The following ROBO2 variants were observed in gnomAD, a reference collection of about 807,000 sequenced individuals.
ROBO2 encodes the protein roundabout guidance receptor 2.
A neutral mutation model predicts 160.8 loss-of-function variants in ROBO2; 53 were observed. The observed-to-expected ratio is 0.33, with a 90% CI of 0.26 to 0.41. The LOEUF (loss-of-function observed/expected upper bound fraction) is 0.41, where lower values mean the gene tolerates loss of function less well. Among genes scored for constraint, ROBO2 ranks in the 10% least tolerant of loss-of-function variants. The pLI is 1.00. For missense variants in ROBO2, 1,577 were observed against 1,722.4 expected (o/e 0.92, Z 1.49); for synonymous variants, 664 against 611.7 (o/e 1.09, Z -1.26).
intron 2 of ROBO2, among the ~76,000 whole-genome samples, chr3:76,788,990 G>A (rs1367997563): frequency 6.6e-6 from 1 of 151,500 alleles, no homozygotes; most frequent in Non-Finnish European, 1.5e-5. Context: ...TATATAGCAA[G>A]AAAATGTCAA....
At position 76,537,004 on chromosome 3, in the gene ROBO2, G is replaced by A. The variant is rs116305193; in HGVS notation, c.110-561010G>A. Among the ~76,000 whole-genome samples, 817 of 152,190 alleles carry A rather than the reference G, an allele frequency of 5.4e-3. 11 individuals are homozygous for A. The highest frequency in any genetic ancestry group is 0.018 in the African/African-American group (756 of 41,496). On this transcript the variant is annotated intron_variant, in intron 2 of 26. Coordinates refer to the ROBO2 transcript ENST00000487694. ...TAAGCCAGACTGAGCGTGAGGAAGG[G>A]AGGTGATAGAAGAATTATAAGGTTG...
intron 5 of ROBO2, among the ~76,000 whole-genome samples, chr3:77,505,437 T>C (rs953644300): frequency 6.6e-6 from 1 of 151,670 alleles, no homozygotes; most frequent in Non-Finnish European, 1.5e-5. Flanking sequence ...GGTCAAAAGG[T>C]GGTGTGTTCA....
chr3:77,461,093 AC>A (rs1354984166), intron 2 of ROBO2, among the ~76,000 whole-genome samples: 1 of 152,124 alleles, frequency 6.6e-6, no homozygotes, highest in Non-Finnish European at 1.5e-5. Flanking sequence ...ATTGAAAAAA[AC>A]AACAACAACT....
intron 2 of ROBO2, among the ~76,000 whole-genome samples, chr3:76,075,851 C>T (rs915518866): frequency 6.6e-6 from 1 of 152,180 alleles, no homozygotes; most frequent in Admixed American, 6.5e-5. Flanking sequence ...TACTTACTTA[C>T]AGAGCAGATA....
intron 21 of ROBO2, among the ~76,000 whole-genome samples, chr3:77,613,597 A>T (rs938550639): frequency 2.0e-5 from 3 of 152,214 alleles, no homozygotes; most frequent in Admixed American, 1.3e-4. Context: ...CTTAAGTCAG[A>T]TAAATAAATT....
intron 2 of ROBO2, among the ~76,000 whole-genome samples, chr3:76,402,764 G>A (rs2077910451): frequency 6.6e-6 from 1 of 151,492 alleles, no homozygotes; most frequent in Non-Finnish European, 1.5e-5. Flanking sequence ...GCAACTGGGG[G>A]TCAAATTCCT....
intron 2 of ROBO2, among the ~76,000 whole-genome samples, chr3:76,065,746 TA>T (rs2068232174): frequency 6.7e-6 from 1 of 148,618 alleles, no homozygotes; most frequent in Non-Finnish European, 1.5e-5. Flanking sequence ...AATATATATA[TA>T]TATATACACA....
rs538878591 is a variant in ROBO2, at chr3:77,141,291, C to G, written c.388+42951C>G. Among the ~76,000 whole-genome samples, 51 of 151,970 alleles carry G rather than the reference C, an allele frequency of 3.4e-4. No individual in the cohort carries two copies. The East Asian group carries it at 9.3e-3, about 28-fold the overall frequency. On this transcript the variant is annotated intron_variant, in intron 2 of 25. Coordinates refer to ENST00000461745, the Ensembl canonical transcript of ROBO2. ...TGGGATGTACATATAAAGCCCCCCCCCCTTGTAATAGGCTTATAACAGATG... is the reference window on the plus strand; with the variant it reads ...TGGGATGTACATATAAAGCCCCCCCGCCTTGTAATAGGCTTATAACAGATG...
chr3:76,168,872 T>C (rs2072931160), intron 2 of ROBO2, among the ~76,000 whole-genome samples: 1 of 151,710 alleles, frequency 6.6e-6, no homozygotes, highest in Admixed American at 6.6e-5. Context: ...TGATTGCCTA[T>C]CTAGTATTGC....
chr3:77,571,521 G>A (rs2093636194), intron 13 of ROBO2, among the ~76,000 whole-genome samples: 1 of 152,100 alleles, frequency 6.6e-6, no homozygotes, highest in Admixed American at 6.6e-5. Flanking sequence ...CTGAGGTTCA[G>A]AAAGTTTAAG....
chr3:77,098,452 A>T (rs1251061080), intron 2 of ROBO2, 112 bp downstream of exon 2: 2 of 1,090,722 alleles, frequency 1.8e-6, no homozygotes, highest in East Asian at 5.1e-5. Context: ...CACACTGCAT[A>T]ATTTTACTTG....
chr3:76,235,561 T>C (rs1318239998), intron 2 of ROBO2, among the ~76,000 whole-genome samples: 1 of 152,148 alleles, frequency 6.6e-6, no homozygotes, highest in Non-Finnish European at 1.5e-5. Flanking sequence ...TCCAGAGTAG[T>C]TCATTCTGAA....
intron 2 of ROBO2, among the ~76,000 whole-genome samples, chr3:77,185,944 C>T (rs1452494578): frequency 2.0e-5 from 3 of 151,854 alleles, no homozygotes; most frequent in African/African-American, 4.8e-5. Flanking sequence ...AACCAGACAT[C>T]GTATGTTCTC....
intron 2 of ROBO2, among the ~76,000 whole-genome samples, chr3:76,265,750 T>C (rs891271815): frequency 2.6e-5 from 4 of 152,040 alleles, no homozygotes; most frequent in Non-Finnish European, 4.4e-5. Flanking sequence ...GAACCAGAGG[T>C]TGAACAAAGC....
At chr3:76,455,406 A>C (rs1416454814) in intron 2 of ROBO2, among the ~76,000 whole-genome samples, 2 of 152,144 alleles carry the variant, frequency 1.3e-5, no homozygotes, top group African/African-American at 4.8e-5. Context: ...CATTCAATTA[A>C]ATTTATAATT....
At chr3:77,609,866 C>T (rs960586958) in intron 21 of ROBO2, among the ~76,000 whole-genome samples, 4 of 144,978 alleles carry the variant, frequency 2.8e-5, no homozygotes, top group African/African-American at 1.0e-4. Flanking sequence ...GTCTTAAATA[C>T]CTAGTATTTG....
intron 2 of ROBO2, among the ~76,000 whole-genome samples, chr3:76,296,963 T>C (rs1516483): frequency 0.3 from 45,253 of 152,108 alleles, 7,279 homozygotes; most frequent in Non-Finnish European, 0.37. Context: ...ACATTATTTT[T>C]GTTTACATTA....
chr3:77,625,667 C>T (rs753215656), intron 23 of ROBO2, among the ~76,000 whole-genome samples: 2 of 152,100 alleles, frequency 1.3e-5, no homozygotes, highest in African/African-American at 2.4e-5. Context: ...TGAGCCACTG[C>T]GGCCGGCCCA....
Position 75,928,036 on chromosome 3 carries a change from G to A in ROBO2, c.-13-9445G>A, listed in dbSNP as rs569287057. ...GTCTCTCTCTGCCCCCCAGGCTGGA[G>A]TGCAGGGGCGCGATCTCAGCTCACT... is the stretch of plus-strand genomic sequence containing the variant. On this transcript the variant is annotated intron_variant, in intron 1 of 26. Transcript: ENST00000487694. Among the ~76,000 whole-genome samples the A allele has an allele frequency of 5.7e-5, 8 of 140,500 alleles. No homozygotes were observed. In the East Asian group the frequency reaches 1.5e-3, roughly 27 times the overall value. The allele number at this position is 140,500 out of a possible 152,430, so 92.2% of individuals were successfully genotyped here.
Sources: gnomAD v4.1 joint callset for allele counts (sites outside exome capture counted in the v4.1 genomes callset) on GRCh38, gnomAD v4.1.1 for gene constraint, MANE v1.5 for transcripts, NCBI Gene and HGNC (gene_info 2026-07-23, HGNC 2026-07-21) for gene names.